Variants in PHF21B observed in about 807,000 individuals in gnomAD.
PHF21B encodes the protein PHD finger protein 21B.
In PHF21B, 22 loss-of-function variants were observed where a neutral mutation model predicts 62.2. The ratio of observed to expected loss-of-function variants is 0.35; its 90% CI spans 0.25 to 0.51. The LOEUF is 0.51. Ranked by LOEUF, PHF21B falls within the 20% of genes least tolerant of loss-of-function variation. The probability of loss-of-function intolerance (pLI) is 0.97; values close to 1 mark genes in which losing one functional copy is unlikely to be tolerated. For synonymous variants in PHF21B, 341 were observed against 314.7 expected, an observed-to-expected ratio of 1.08 and a Z score of -0.88; for missense variants, 701 against 707.9, an observed-to-expected ratio of 0.99 and a Z score of 0.11.
At chr22:44,969,660 A>G (rs561457275) in intron 2 of PHF21B, among the ~76,000 whole-genome samples, 1 of 152,166 alleles carries the variant, frequency 6.6e-6, no homozygotes, top group African/African-American at 2.4e-5. Flanking sequence ...AGCGAGACTC[A>G]GTCTCAAAAA....
intron 2 of PHF21B, among the ~76,000 whole-genome samples, chr22:44,990,570 CA>C (rs1326828283): frequency 6.6e-6 from 1 of 152,086 alleles, no homozygotes; most frequent in East Asian, 1.9e-4. Flanking sequence ...AAGCCAGTGG[CA>C]AAAAGATAAA....
intron 2 of PHF21B, among the ~76,000 whole-genome samples, chr22:44,971,878 C>G (rs552170960): frequency 6.6e-6 from 1 of 152,362 alleles, no homozygotes; most frequent in South Asian, 2.1e-4. Context: ...ACCACCTGGT[C>G]CAGCACAAAG....
intron 2 of PHF21B, among the ~76,000 whole-genome samples, chr22:44,920,921 T>C (rs2071523815): frequency 6.6e-6 from 1 of 152,260 alleles, no homozygotes; most frequent in Non-Finnish European, 1.5e-5. Flanking sequence ...CTTGGAAATT[T>C]GAGTTCTAGC....
intron 2 of PHF21B, among the ~76,000 whole-genome samples, chr22:44,974,800 G>A (rs542999997): frequency 2.6e-5 from 4 of 152,178 alleles, no homozygotes; most frequent in African/African-American, 7.2e-5. Flanking sequence ...ATAAGACCAG[G>A]GTGGTATATG....
chr22:44,957,096 C>T (rs1344244423), intron 2 of PHF21B, among the ~76,000 whole-genome samples: 1 of 152,166 alleles, frequency 6.6e-6, no homozygotes, highest in Admixed American at 6.5e-5. Flanking sequence ...ACCGCCCCCT[C>T]CCTCCTCCCT....
chr22:44,984,266 TCACCAC>T (rs1238048911), intron 2 of PHF21B, among the ~76,000 whole-genome samples: 1 of 131,986 alleles, frequency 7.6e-6, no homozygotes, highest in African/African-American at 2.9e-5. Flanking sequence ...ATCATCACCA[TCACCAC>T]CACCACCACC....
chr22:44,908,487 G>A (rs533766814), intron 5 of PHF21B, among the ~76,000 whole-genome samples: 3 of 152,222 alleles, frequency 2.0e-5, no homozygotes, highest in Non-Finnish European at 2.9e-5. Context: ...CTGACTCGAC[G>A]TCCCCTTCTG....
At chr22:44,934,704 C>T (rs1380394459) in intron 2 of PHF21B, among the ~76,000 whole-genome samples, 1 of 152,098 alleles carries the variant, frequency 6.6e-6, no homozygotes, top group Non-Finnish European at 1.5e-5. Context: ...GTCCTGGAGT[C>T]CCCTGAGTCT....
intron 5 of PHF21B, among the ~76,000 whole-genome samples, chr22:44,907,767 G>C (rs2071276797): frequency 6.6e-6 from 1 of 152,220 alleles, no homozygotes; most frequent in Non-Finnish European, 1.5e-5. Flanking sequence ...AAAGGAGACA[G>C]GACAGCAAAC....
At chr22:44,998,812 C>G (rs893788344) in intron 2 of PHF21B, among the ~76,000 whole-genome samples, 2 of 152,178 alleles carry the variant, frequency 1.3e-5, no homozygotes, top group African/African-American at 4.8e-5. Flanking sequence ...CTACTCAACT[C>G]CTGGCTGCAC....
intron 2 of PHF21B, among the ~76,000 whole-genome samples, chr22:44,989,792 T>C (rs1187439767): frequency 6.6e-6 from 1 of 152,012 alleles, no homozygotes; most frequent in East Asian, 1.9e-4. Context: ...GTATTTTTAG[T>C]AGAGACAGGG....
At chr22:44,902,373 TG>T in intron 5 of PHF21B, 1 of 345,002 alleles carries the variant, frequency 2.9e-6, no homozygotes, top group Admixed American at 3.1e-5. Flanking sequence ...CAGGGCTACC[TG>T]AGATCTGTGT....
chr22:44,930,584 C>T (rs1383122797), intron 2 of PHF21B, among the ~76,000 whole-genome samples: 3 of 152,078 alleles, frequency 2.0e-5, no homozygotes, highest in Admixed American at 6.5e-5. Flanking sequence ...GGCAGAGGCA[C>T]CAGCAGCAGG....
intron 2 of PHF21B, among the ~76,000 whole-genome samples, chr22:44,926,234 C>G (rs543933878): frequency 4.0e-5 from 6 of 151,696 alleles, no homozygotes; most frequent in Admixed American, 3.9e-4. Flanking sequence ...ATGTGGGTTC[C>G]TGGGGAAGCA....
chr22:44,943,841 G>A (rs557146266), intron 2 of PHF21B, among the ~76,000 whole-genome samples: 5 of 152,256 alleles, frequency 3.3e-5, no homozygotes, highest in African/African-American at 9.6e-5. Flanking sequence ...GTGGGGCACC[G>A]GGAAAAGCCA....
intron 2 of PHF21B, among the ~76,000 whole-genome samples, chr22:44,964,429 C>T (rs185101425): frequency 4.6e-5 from 7 of 152,316 alleles, no homozygotes; most frequent in East Asian, 1.9e-4. Flanking sequence ...AGCTCAGGCC[C>T]GGCCATTTGG....
At chr22:44,958,930 C>A (rs778060814) in intron 2 of PHF21B, among the ~76,000 whole-genome samples, 1 of 152,084 alleles carries the variant, frequency 6.6e-6, no homozygotes, top group Non-Finnish European at 1.5e-5. Context: ...TGTGAGCCAC[C>A]GCACCCGGCC....
chr22:44,978,937 C>A (rs2072787730), intron 2 of PHF21B, among the ~76,000 whole-genome samples: 1 of 151,850 alleles, frequency 6.6e-6, no homozygotes. Context: ...GGCCCACTGG[C>A]CCCGGGGAGA....
At chr22:44,933,470 T>G in intron 2 of PHF21B, 1 of 985,482 alleles carries the variant, frequency 1.0e-6, no homozygotes, top group Non-Finnish European at 1.2e-6. Flanking sequence ...ACTGCACACC[T>G]ACCCCGTGCT....
Sources: gnomAD v4.1 joint callset for allele counts (sites outside exome capture counted in the v4.1 genomes callset) on GRCh38, gnomAD v4.1.1 for gene constraint, MANE v1.5 for transcripts, NCBI Gene and HGNC (gene_info 2026-07-23, HGNC 2026-07-21) for gene names.